The following LCA5 variants were observed in gnomAD, a reference collection of about 807,000 sequenced individuals.
LCA5 encodes the protein lebercilin.
A neutral mutation model predicts 53.0 loss-of-function variants in LCA5; 37 were observed. The observed-to-expected ratio is 0.70, with a 90% confidence interval of 0.54 to 0.92. The LOEUF (loss-of-function observed/expected upper bound fraction) is 0.92. Ranked by LOEUF, LCA5 falls within the 40% of genes least tolerant of loss-of-function variation. The probability of loss-of-function intolerance (pLI) is 0.00; values close to 1 mark genes in which losing one functional copy is unlikely to be tolerated. For missense variants in LCA5, 806 were observed against 790.5 expected, an observed-to-expected ratio of 1.02 and a Z score of -0.23; for synonymous variants, 303 against 282.9, an observed-to-expected ratio of 1.07 and a Z score of -0.71.
At chr6:79,505,278 T>C (rs1459368549) in intron 3 of LCA5, among the ~76,000 whole-genome samples, 3 of 152,198 alleles carry the variant, frequency 2.0e-5, no homozygotes, top group African/African-American at 7.2e-5. Context: ...ATTATAAATC[T>C]TCTCCCTCCA....
intron 6 of LCA5, among the ~76,000 whole-genome samples, chr6:79,489,620 G>C (rs1769781455): frequency 6.6e-6 from 1 of 152,084 alleles, no homozygotes; most frequent in Non-Finnish European, 1.5e-5. Flanking sequence ...AACATGAGCA[G>C]TGACAATATT....
At chr6:79,510,531 G>A (rs1168963759) in intron 3 of LCA5, among the ~76,000 whole-genome samples, 1 of 152,136 alleles carries the variant, frequency 6.6e-6, no homozygotes, top group Admixed American at 6.6e-5. Flanking sequence ...AATAGGGATA[G>A]GTGACGTGTT....
At chr6:79,517,674 C>T (rs1249907332) in intron 2 of LCA5, among the ~76,000 whole-genome samples, 2 of 152,162 alleles carry the variant, frequency 1.3e-5, no homozygotes, top group Non-Finnish European at 2.9e-5. Context: ...AGGAGCTAGA[C>T]TGGGGATCCA....
chr6:79,488,563 T>A (rs567356066), intron 7 of LCA5: 11 of 159,792 alleles, frequency 6.9e-5, no homozygotes, highest in African/African-American at 2.6e-4. Context: ...ATCAGATAAA[T>A]GTGTTGTGTC....
chr6:79,534,701 C>T (rs1298001542), intron 1 of LCA5, among the ~76,000 whole-genome samples: 1 of 151,992 alleles, frequency 6.6e-6, no homozygotes, highest in Non-Finnish European at 1.5e-5. Flanking sequence ...ACGGTATTAG[C>T]AGAGGTTAAG....
chr6:79,518,800 G>C lies in LCA5; in HGVS notation c.95C>G (p.Ser32Cys), dbSNP rs1247587562. Residue 32 changes from serine to cysteine, a missense_variant, in exon 2 of 8, where the codon TCT becomes TGT. Coordinates refer to ENST00000369846, the MANE Select transcript of LCA5 (RefSeq NM_001122769.3). ...ACTGACCAGCGATGATCGGCCAGAA[G>C]ACTGTGGCGTTTCAAAATCAGATAA... ...SYLSDFETPQ[S>C]SGRSSLVSSS... 2 of 1,614,006 alleles carry C rather than the reference G, an allele frequency of 1.2e-6. No individual in the cohort carries two copies. The highest frequency in any genetic ancestry group is 1.7e-6 in the Non-Finnish European group (2 of 1,180,014).
chr6:79,536,388 G>A (rs1767120689), intron 1 of LCA5, among the ~76,000 whole-genome samples: 1 of 152,052 alleles, frequency 6.6e-6, no homozygotes, highest in African/African-American at 2.4e-5. Flanking sequence ...GATAAAGGAG[G>A]GGAATAAATA....
At position 79,493,805 on chromosome 6, in the gene LCA5, C is replaced by A. The variant is rs920762028; in HGVS notation, c.721-55G>T. 4 of 1,352,446 alleles carry A rather than the reference C, an allele frequency of 3.0e-6. No homozygotes were observed. The African/African-American group carries it at 5.8e-5, about 20-fold the overall frequency. 83.8% of individuals were successfully genotyped at this position (1,352,446 alleles called of 1,614,324 possible). On this transcript the variant is annotated intron_variant, in intron 3 of 7. Coordinates refer to ENST00000369846, the MANE Select transcript of LCA5 (RefSeq NM_001122769.3). ...CTTTAAAAAAATTCCAACAATGAAA[C>A]ATAACACATGGCAGTGTCAAAATGA...
intron 1 of LCA5, among the ~76,000 whole-genome samples, chr6:79,525,465 G>C (rs1464601514): frequency 6.6e-6 from 1 of 152,118 alleles, no homozygotes; most frequent in Non-Finnish European, 1.5e-5. Flanking sequence ...ATCTGGCAGA[G>C]GCAACACCCT....
rs1769762158 is a variant in LCA5 at position 79,489,133 on chromosome 6, T to C, written c.1182A>G (p.Thr394=). ...PIMEREEKFV[T]DEELHVVKQE... ...GTTTTACGACATGGAGTTCTTCATC[T>C]GTAACAAATTTTTCTTCTCTTTCCA... The change falls in exon 7 of 8, where the codon ACA becomes ACG. Residue 394 remains threonine (T), a synonymous_variant. Coordinates refer to ENST00000369846, the MANE Select transcript of LCA5 (RefSeq NM_001122769.3). 1.9e-6 allele frequency: 3 copies of C among 1,613,164 alleles called. No homozygotes were observed. The highest frequency in any genetic ancestry group is 1.1e-5 in the South Asian group (1 of 91,068).
At chr6:79,536,614 C>G (rs535776629) in intron 1 of LCA5, among the ~76,000 whole-genome samples, 21 of 152,290 alleles carry the variant, frequency 1.4e-4, no homozygotes, top group African/African-American at 4.3e-4. Flanking sequence ...CTCATCCCAT[C>G]CCTGAAGGAT....
chr6:79,513,255 A>T lies in LCA5; in HGVS notation c.677T>A (p.Val226Asp). The change falls in exon 3 of 8, where the codon GTT becomes GAT. Residue 226 changes from valine (V) to aspartate (D), a missense_variant. Physicochemically the swap from Val to Asp is radical, Grantham distance 152. Transcript: ENST00000369846. Reference protein sequence around the residue: ...PERDDLAKKLVSAELKLDDTE... With the variant: ...PERDDLAKKLDSAELKLDDTE... ...GTCATCTAACTTTAACTCTGCTGAA[A>T]CTAGTTTCTTTGCCAAATCATCTCG... is the stretch of plus-strand genomic sequence containing the variant. 6.2e-7 allele frequency: 1 copy of T among 1,613,658 alleles called. No individual in the cohort carries two copies. The highest frequency in any genetic ancestry group is 1.3e-5 in the African/African-American group (1 of 74,960).
chr6:79,506,701 C>T (rs1386043212), intron 3 of LCA5, among the ~76,000 whole-genome samples: 7 of 152,100 alleles, frequency 4.6e-5, no homozygotes, highest in Non-Finnish European at 8.8e-5. Context: ...ATGTGAAAAC[C>T]CTTAAAGGTC....
chr6:79,502,359 T>A (rs981380091), intron 3 of LCA5, among the ~76,000 whole-genome samples: 5 of 152,240 alleles, frequency 3.3e-5, no homozygotes, highest in Non-Finnish European at 7.3e-5. Flanking sequence ...ATGCTTCCTC[T>A]GTGCATTACG....
In LCA5 at chr6:79,513,400, A is replaced by G. The variant is rs1489564802; in HGVS notation, c.532T>C (p.Ser178Pro). ...ITALKERLRKSQEKERATEKR... is the reference protein window; with the variant it reads ...ITALKERLRKPQEKERATEKR... ...TCAGTTGCCCGTTCTTTCTCTTGAG[A>G]TTTTCTTAAGCGTTCTTTGAGTGCT... Residue 178 changes from serine to proline, a missense_variant, in exon 3 of 8, where the codon TCT becomes CCT. Physicochemically the swap from Ser to Pro is moderately conservative, Grantham distance 74. Transcript: ENST00000369846. 1 of 1,613,578 alleles carries G rather than the reference A, an allele frequency of 6.2e-7. No individual in the cohort carries two copies. Among genetic ancestry groups the G allele is most frequent in the Non-Finnish European group, 8.5e-7 (1 of 1,179,878 alleles).
chr6:79,493,497 T>C (rs1171319550), intron 4 of LCA5, 116 bp downstream of exon 4: 1 of 979,206 alleles, frequency 1.0e-6, no homozygotes, highest in Non-Finnish European at 1.5e-6. Context: ...AATATCAGAA[T>C]TTTGTAAATT....
At position 79,486,013 on chromosome 6, in the gene LCA5, T is replaced by C. The variant is rs1299474244; in HGVS notation, c.*991A>G. ...CTGAAACACTTCTATTCAAAGTTGC[T>C]TTAAAACTAATCCTGTAAGTCCAAT... On this transcript the variant is annotated 3_prime_UTR_variant, in exon 8 of 8. Coordinates refer to ENST00000369846, the MANE Select transcript of LCA5 (RefSeq NM_001122769.3). 6.6e-6 allele frequency: 1 copy of C among 152,214 alleles called. No individual in the cohort carries two copies. Among genetic ancestry groups the C allele is most frequent in the Non-Finnish European group, 1.5e-5 (1 of 68,038 alleles). The allele number at this position is 152,214 out of a possible 1,614,324, so 9.4% of individuals were successfully genotyped here.
chr6:79,489,257 A>T, intron 6 of LCA5, 41 bp from the exon 7 acceptor site: 1 of 1,597,642 alleles, frequency 6.3e-7, no homozygotes, highest in East Asian at 2.2e-5. Flanking sequence ...CAAATTATAG[A>T]AAAGGGGGGG....
chr6:79,522,917 TA>T (rs1199917865), intron 1 of LCA5, among the ~76,000 whole-genome samples: 3 of 141,064 alleles, frequency 2.1e-5, no homozygotes, highest in South Asian at 4.6e-4. Context: ...TTTTTTTTTT[TA>T]AAGAATCTTT....
Sources: allele counts gnomAD v4.1 joint callset (sites outside exome capture counted in the v4.1 genomes callset), GRCh38; gene constraint gnomAD v4.1.1; transcripts MANE v1.5; gene names NCBI Gene and HGNC (gene_info 2026-07-23, HGNC 2026-07-21).